KCNH8: variants seen among roughly 807,000 people sequenced by gnomAD.
KCNH8 encodes voltage-gated delayed rectifier potassium channel KCNH8.
KCNH8 carries 70 observed loss-of-function variants against 103.6 expected under a neutral mutation model. The ratio of observed to expected loss-of-function variants is 0.68; its 90% confidence interval spans 0.56 to 0.82. KCNH8 has a LOEUF of 0.82. Among genes scored for constraint, KCNH8 ranks in the 40% least tolerant of loss-of-function variants. The probability of loss-of-function intolerance (pLI) is 0.00; values close to 1 mark genes in which losing one functional copy is unlikely to be tolerated. For missense variants in KCNH8, 1,217 were observed against 1,329.9 expected (o/e 0.92, Z 1.32); for synonymous variants, 498 against 489.4 (o/e 1.02, Z -0.23).
At chr3:19,294,348 T>C (rs2064968281) in intron 3 of KCNH8, among the ~76,000 whole-genome samples, 1 of 152,182 alleles carries the variant, frequency 6.6e-6, no homozygotes, top group African/African-American at 2.4e-5. Flanking sequence ...ACGTGGAACA[T>C]TGTAGTAATG....
intron 7 of KCNH8, among the ~76,000 whole-genome samples, chr3:19,432,835 T>C (rs6796647): frequency 0.073 from 11,182 of 152,196 alleles, 834 homozygotes; most frequent in East Asian, 0.22. Context: ...ATCTTTGTTA[T>C]GCTTTTTTCT....
intron 11 of KCNH8, among the ~76,000 whole-genome samples, chr3:19,480,154 G>A (rs749567440): frequency 6.6e-6 from 1 of 152,168 alleles, no homozygotes; most frequent in Non-Finnish European, 1.5e-5. Flanking sequence ...TCTTCCCTGG[G>A]CCACTGTTGT....
At chr3:19,517,289 T>G (rs1229607818) in intron 14 of KCNH8, among the ~76,000 whole-genome samples, 1 of 152,072 alleles carries the variant, frequency 6.6e-6, no homozygotes, top group Non-Finnish European at 1.5e-5. Context: ...AATTTCTTAT[T>G]ACTCTATTTC....
chr3:19,266,005 G>A (rs2064505089), intron 2 of KCNH8, among the ~76,000 whole-genome samples: 1 of 151,962 alleles, frequency 6.6e-6, no homozygotes, highest in Non-Finnish European at 1.5e-5. Context: ...CCAACCTCCA[G>A]TTCTGCACCC....
chr3:19,387,522 C>T (rs2066373755), intron 5 of KCNH8, among the ~76,000 whole-genome samples: 1 of 151,966 alleles, frequency 6.6e-6, no homozygotes, highest in Admixed American at 6.6e-5. Flanking sequence ...GTAAATATAC[C>T]AGAACTATGT....
At chr3:19,197,276 A>T (rs550730851) in intron 1 of KCNH8, among the ~76,000 whole-genome samples, 134 of 152,162 alleles carry the variant, frequency 8.8e-4, no homozygotes, top group Non-Finnish European at 1.4e-3. Flanking sequence ...CACAAGCAAC[A>T]CACCTTATTC....
At chr3:19,242,002 A>G (rs1333551936) in intron 1 of KCNH8, among the ~76,000 whole-genome samples, 3 of 152,208 alleles carry the variant, frequency 2.0e-5, no homozygotes, top group Non-Finnish European at 2.9e-5. Flanking sequence ...GACCTGAAAT[A>G]TGTAAAACAG....
intron 1 of KCNH8, among the ~76,000 whole-genome samples, chr3:19,231,193 TATATA>T (rs1182184848): frequency 6.6e-6 from 1 of 152,114 alleles, no homozygotes; most frequent in African/African-American, 2.4e-5. Flanking sequence ...GATTTATTAA[TATATA>T]ATATGCATAT....
chr3:19,238,753 C>G (rs1313118833), intron 1 of KCNH8, among the ~76,000 whole-genome samples: 1 of 152,150 alleles, frequency 6.6e-6, no homozygotes, highest in Non-Finnish European at 1.5e-5. Context: ...ATAAAATACA[C>G]ATTTTGGGTC....
At chr3:19,355,117 C>A (rs1228505666) in intron 5 of KCNH8, among the ~76,000 whole-genome samples, 3 of 152,140 alleles carry the variant, frequency 2.0e-5, no homozygotes, top group South Asian at 2.1e-4. Context: ...ATGCAGCCAA[C>A]AGACACATGA....
chr3:19,217,738 G>A (rs1050212632), intron 1 of KCNH8, among the ~76,000 whole-genome samples: 3 of 152,134 alleles, frequency 2.0e-5, no homozygotes, highest in Non-Finnish European at 4.4e-5. Flanking sequence ...ACAGGTATCA[G>A]GCTAGACCAA....
intron 1 of KCNH8, among the ~76,000 whole-genome samples, chr3:19,202,281 T>C (rs991137146): frequency 6.6e-6 from 1 of 152,172 alleles, no homozygotes; most frequent in Admixed American, 6.6e-5. Flanking sequence ...TTATTTATTT[T>C]ATTAAGATGA....
chr3:19,465,450 A>T (rs554709282), intron 11 of KCNH8, among the ~76,000 whole-genome samples: 1 of 152,294 alleles, frequency 6.6e-6, no homozygotes, highest in East Asian at 1.9e-4. Context: ...ATTCATTGAC[A>T]GTATACCTTG....
intron 1 of KCNH8, among the ~76,000 whole-genome samples, chr3:19,184,641 C>T (rs1376190026): frequency 6.6e-6 from 1 of 151,576 alleles, no homozygotes; most frequent in Non-Finnish European, 1.5e-5. Flanking sequence ...TTTCTCAGAC[C>T]CTAGGATGCA....
At chr3:19,416,360 G>T (rs566266788) in intron 7 of KCNH8, among the ~76,000 whole-genome samples, 17 of 151,826 alleles carry the variant, frequency 1.1e-4, no homozygotes, top group African/African-American at 4.1e-4. Context: ...ATTTTATTTG[G>T]TGCTTTTTCA....
intron 11 of KCNH8, among the ~76,000 whole-genome samples, chr3:19,461,501 A>T (rs2067627614): frequency 6.6e-6 from 1 of 152,160 alleles, no homozygotes; most frequent in Non-Finnish European, 1.5e-5. Flanking sequence ...ACAAAACCAA[A>T]AATATCCAGT....
chr3:19,371,562 C>T lies in KCNH8; in HGVS notation c.812-18919C>T, dbSNP rs1326005540. ...AAATTTTCTCCCATTCTGTAGGTTG[C>T]CTGTTCACTCTGATGGTAGTTTCTT... On this transcript the variant is annotated intron_variant, in intron 5 of 15. Coordinates refer to ENST00000328405, the MANE Select transcript of KCNH8 (RefSeq NM_144633.3). Among the ~76,000 whole-genome samples the T allele has an allele frequency of 1.8e-4, 27 of 149,878 alleles. No homozygotes were observed. The South Asian group carries it at 1.9e-3, about 11-fold the overall frequency.
intron 3 of KCNH8, among the ~76,000 whole-genome samples, chr3:19,335,034 C>G (rs1002372338): frequency 6.6e-6 from 1 of 151,440 alleles, no homozygotes; most frequent in East Asian, 1.9e-4. Flanking sequence ...TTTAAATTAC[C>G]TTCATTCTCT....
chr3:19,407,933 T>C (rs900965891), intron 7 of KCNH8, among the ~76,000 whole-genome samples: 5 of 152,106 alleles, frequency 3.3e-5, no homozygotes, highest in Admixed American at 3.3e-4. Context: ...TGGATTCTCC[T>C]TTGGCACTGG....
Sources: allele counts gnomAD v4.1 joint callset (sites outside exome capture counted in the v4.1 genomes callset), GRCh38; gene constraint gnomAD v4.1.1; transcripts MANE v1.5; gene names NCBI Gene and HGNC (gene_info 2026-07-23, HGNC 2026-07-21).